The following RORB variants were observed in gnomAD, a reference collection of about 807,000 sequenced individuals.
RORB encodes the protein RAR related orphan receptor B, also known as nuclear receptor ROR-beta.
RORB carries 6 observed loss-of-function variants against 59.1 expected under a neutral mutation model. That is an observed-to-expected ratio of 0.10 (90% CI 0.06 to 0.20). The LOEUF is 0.20. Among genes scored for constraint, RORB ranks in the 10% least tolerant of loss-of-function variants. The pLI, the probability that RORB is intolerant of heterozygous loss-of-function variation, is 1.00. For synonymous variants in RORB, 215 were observed against 204.5 expected, an observed-to-expected ratio of 1.05 and a Z score of -0.44; for missense variants, 320 against 560.5, an observed-to-expected ratio of 0.57 and a Z score of 4.33.
At chr9:74,678,418 A>G (rs142812985) in intron 9 of RORB, among the ~76,000 whole-genome samples, 1 of 152,344 alleles carries the variant, frequency 6.6e-6, no homozygotes, top group African/African-American at 2.4e-5. Context: ...TAGCATAAAG[A>G]TAACAAAACT....
intron 3 of RORB, among the ~76,000 whole-genome samples, chr9:74,635,762 T>G (rs141715797): frequency 1.3e-5 from 2 of 152,122 alleles, no homozygotes; most frequent in African/African-American, 4.8e-5. Context: ...CTGGTCGCAC[T>G]CCCTCTAGTG....
chr9:74,635,465 T>A (rs1171768110), intron 3 of RORB, among the ~76,000 whole-genome samples: 2 of 152,152 alleles, frequency 1.3e-5, no homozygotes, highest in Non-Finnish European at 2.9e-5. Context: ...TCAAACAAGA[T>A]GAACGAAGAA....
intron 1 of RORB, among the ~76,000 whole-genome samples, chr9:74,623,902 A>T (rs1040454470): frequency 8.5e-5 from 13 of 152,382 alleles, no homozygotes; most frequent in African/African-American, 3.1e-4. Context: ...GCTACAACTT[A>T]TAAAGTGATT....
chr9:74,601,545 G>T (rs1336607777), intron 1 of RORB, among the ~76,000 whole-genome samples: 1 of 152,000 alleles, frequency 6.6e-6, no homozygotes. Context: ...ATAAAAGTTT[G>T]TCTTCCCTCA....
chr9:74,607,740 A>C (rs1188301726), intron 1 of RORB, among the ~76,000 whole-genome samples: 1 of 152,164 alleles, frequency 6.6e-6, no homozygotes, highest in Non-Finnish European at 1.5e-5. Flanking sequence ...CAAATTACTG[A>C]CTAGAGCCTT....
intron 1 of RORB, among the ~76,000 whole-genome samples, chr9:74,500,073 C>A (rs1825785997): frequency 6.6e-6 from 1 of 152,308 alleles, no homozygotes; most frequent in African/African-American, 2.4e-5. Flanking sequence ...CGCTGGTCCT[C>A]ATGCTCACCT....
At chr9:74,662,370 TG>T in intron 5 of RORB, 103 bp from the exon 6 acceptor site, 1 of 1,073,318 alleles carries the variant, frequency 9.3e-7, no homozygotes, top group Non-Finnish European at 1.4e-6. Context: ...TTCCCTCCTT[TG>T]GCCCCAAGTG....
intron 1 of RORB, among the ~76,000 whole-genome samples, chr9:74,598,585 G>A (rs1298196016): frequency 6.6e-6 from 1 of 152,146 alleles, no homozygotes; most frequent in Non-Finnish European, 1.5e-5. Flanking sequence ...TGTGGAATAT[G>A]ATACTAATCC....
chr9:74,638,238 A>T (rs1364347377), intron 3 of RORB, among the ~76,000 whole-genome samples: 1 of 152,242 alleles, frequency 6.6e-6, no homozygotes, highest in Non-Finnish European at 1.5e-5. Context: ...ACACATGTCC[A>T]TGTGCTATGT....
chr9:74,597,736 A>T lies in RORB; in HGVS notation c.8-32546A>T, dbSNP rs569142171. Among the ~76,000 whole-genome samples the T allele has an allele frequency of 9.2e-5, 14 of 152,326 alleles. No individual in the cohort carries two copies. The South Asian group carries it at 1.2e-3, about 14-fold the overall frequency. Reference sequence around the variant, plus strand: ...CACTTTGGGAGACCGAGGCGGGCAGATCACCTGAGATCAGGAGTTCGAGAC... The same window carrying T: ...CACTTTGGGAGACCGAGGCGGGCAGTTCACCTGAGATCAGGAGTTCGAGAC... On this transcript the variant is annotated intron_variant, in intron 1 of 9. Coordinates refer to ENST00000376896, the MANE Select transcript of RORB (RefSeq NM_006914.4).
intron 4 of RORB, among the ~76,000 whole-genome samples, chr9:74,658,208 A>G (rs1490682378): frequency 6.6e-6 from 1 of 152,110 alleles, no homozygotes; most frequent in Non-Finnish European, 1.5e-5. Context: ...GGATTCAAAT[A>G]ACCACAGTAT....
intron 1 of RORB, among the ~76,000 whole-genome samples, chr9:74,583,713 G>A (rs2118264352): frequency 6.6e-6 from 1 of 152,244 alleles, no homozygotes; most frequent in Middle Eastern, 3.4e-3. Context: ...CTGTAGTGAG[G>A]ATATTGGCAT....
intron 4 of RORB, among the ~76,000 whole-genome samples, chr9:74,655,913 G>A (rs1003161041): frequency 2.6e-5 from 4 of 152,218 alleles, no homozygotes; most frequent in African/African-American, 9.6e-5. Context: ...GTGAGAGAAA[G>A]TGGTGGAGGA....
chr9:74,677,697 G>A (rs1824468969), intron 9 of RORB, among the ~76,000 whole-genome samples: 1 of 152,148 alleles, frequency 6.6e-6, no homozygotes, highest in South Asian at 2.1e-4. Flanking sequence ...TCCAGGTGAG[G>A]AACCTGAGCA....
chr9:74,547,118 T>G (rs934116286), intron 1 of RORB, among the ~76,000 whole-genome samples: 2 of 152,050 alleles, frequency 1.3e-5, no homozygotes, highest in Non-Finnish European at 2.9e-5. Flanking sequence ...TTGGATTGTT[T>G]TGGTTTTTTT....
At chr9:74,592,133 C>G (rs1822907227) in intron 1 of RORB, among the ~76,000 whole-genome samples, 1 of 152,118 alleles carries the variant, frequency 6.6e-6, no homozygotes, top group African/African-American at 2.4e-5. Flanking sequence ...TCCTTGGAAC[C>G]CTCAATCCCC....
intron 1 of RORB, among the ~76,000 whole-genome samples, chr9:74,523,265 T>A (rs1279393386): frequency 6.6e-6 from 1 of 151,716 alleles, no homozygotes; most frequent in African/African-American, 2.4e-5. Context: ...TTTCGTCTTG[T>A]TTCCCTCTTT....
At chr9:74,589,864 T>C (rs542647073) in intron 1 of RORB, among the ~76,000 whole-genome samples, 2 of 152,308 alleles carry the variant, frequency 1.3e-5, no homozygotes, top group Non-Finnish European at 2.9e-5. Context: ...GCCCTACTCT[T>C]TGCCACAATT....
intron 1 of RORB, among the ~76,000 whole-genome samples, chr9:74,529,531 T>C (rs956946847): frequency 2.0e-5 from 3 of 151,816 alleles, no homozygotes; most frequent in Non-Finnish European, 4.4e-5. Context: ...ATAATAATAG[T>C]ACTTGGCTCA....
Sources: allele counts gnomAD v4.1 joint callset (sites outside exome capture counted in the v4.1 genomes callset), GRCh38; gene constraint gnomAD v4.1.1; transcripts MANE v1.5; gene names NCBI Gene and HGNC (gene_info 2026-07-23, HGNC 2026-07-21).